Variants in FBP2 observed in about 807,000 individuals in gnomAD.
FBP2 encodes fructose-bisphosphatase 2.
FBP2 carries 27 observed loss-of-function variants against 31.6 expected under a neutral mutation model. That is an observed-to-expected ratio of 0.85 (90% confidence interval 0.63 to 1.18). FBP2 has a LOEUF of 1.18. Ranked by LOEUF, FBP2 falls within the 50% of genes most tolerant of loss-of-function variation. The probability of loss-of-function intolerance (pLI) is 0.00; values close to 1 mark genes in which losing one functional copy is unlikely to be tolerated. For missense variants in FBP2, 421 were observed against 436.1 expected (o/e 0.97, Z 0.31); for synonymous variants, 168 against 179.8 (o/e 0.93, Z 0.53).
In FBP2 at chr9:94,567,179, C is replaced by A. The variant is rs1827201882; in HGVS notation, c.705+91G>T. The A allele has an allele frequency of 4.5e-6, 6 of 1,347,340 alleles. No homozygotes were observed. In the South Asian group the frequency reaches 7.4e-5, roughly 17 times the overall value. The allele number at this position is 1,347,340 out of a possible 1,614,324, so 83.5% of individuals were successfully genotyped here. ...CACAGCCATAAACAGTGGCACCAAC[C>A]TCTTTCAGCAAAGCCCCTGAAGCCA... On this transcript the variant is annotated intron_variant, in intron 5 of 6. Coordinates refer to ENST00000375337, the MANE Select transcript of FBP2 (RefSeq NM_003837.4).
chr9:94,562,127 T>A (rs376241248), intron 6 of FBP2, among the ~76,000 whole-genome samples: 1 of 151,730 alleles, frequency 6.6e-6, no homozygotes, highest in Non-Finnish European at 1.5e-5. Flanking sequence ...CTGGCTAACA[T>A]GGTGAAACCC....
intron 3 of FBP2, among the ~76,000 whole-genome samples, chr9:94,571,967 C>T (rs767141811): frequency 6.6e-6 from 1 of 152,180 alleles, no homozygotes; most frequent in Non-Finnish European, 1.5e-5. Flanking sequence ...TCACTCTGCA[C>T]ACTCAACAGC....
chr9:94,591,338 G>A (rs1049767126), intron 1 of FBP2, among the ~76,000 whole-genome samples: 1 of 152,238 alleles, frequency 6.6e-6, no homozygotes, highest in African/African-American at 2.4e-5. Flanking sequence ...GCGCCAGTGG[G>A]CCAGCACTGC....
rs1198175385 is a variant in FBP2 at position 94,558,873 on chromosome 9, C to CTAA, written c.*64_*65insTTA. On this transcript the variant is annotated 3_prime_UTR_variant, in exon 7 of 7. Transcript: ENST00000375337. ...ACTCATAGCTACCATCTCTGTTTAT[C>CTAA]GTTCATTTAGGGTCCTTAGACAAGG... 6.9e-7 allele frequency: 1 copy of CTAA among 1,449,292 alleles called. No homozygotes were observed. The highest frequency in any genetic ancestry group is 9.7e-7 in the Non-Finnish European group (1 of 1,033,792). The allele number at this position is 1,449,292 out of a possible 1,614,324, so 89.8% of individuals were successfully genotyped here.
chr9:94,581,851 A>G (rs1382159172), intron 3 of FBP2, among the ~76,000 whole-genome samples: 2 of 152,214 alleles, frequency 1.3e-5, no homozygotes, highest in Admixed American at 6.5e-5. Flanking sequence ...GGCACAACTG[A>G]AAACCCTAAG....
intron 1 of FBP2, 88 bp from the exon 2 acceptor site, chr9:94,587,557 G>A: frequency 8.9e-7 from 1 of 1,127,636 alleles, no homozygotes; most frequent in Non-Finnish European, 1.3e-6. Context: ...CAGCAGTGCA[G>A]TCCCCTCTCG....
At chr9:94,571,951 A>C (rs1189726305) in intron 3 of FBP2, among the ~76,000 whole-genome samples, 1 of 152,188 alleles carries the variant, frequency 6.6e-6, no homozygotes, top group Non-Finnish European at 1.5e-5. Context: ...CTGAGCGTGC[A>C]GTGTCTCACT....
chr9:94,585,150 G>C (rs578123170), intron 2 of FBP2, among the ~76,000 whole-genome samples: 1 of 152,156 alleles, frequency 6.6e-6, no homozygotes, highest in African/African-American at 2.4e-5. Context: ...AATGAGTATT[G>C]GCCTAGCTTC....
chr9:94,576,062 G>A (rs479197), intron 3 of FBP2, among the ~76,000 whole-genome samples: 40,622 of 151,908 alleles, frequency 0.27, 6,843 homozygotes, highest in East Asian at 0.53. Context: ...ATCTTGAGAC[G>A]GACAGACCAA....
At chr9:94,590,471 C>T (rs1290142387) in intron 1 of FBP2, among the ~76,000 whole-genome samples, 3 of 147,018 alleles carry the variant, frequency 2.0e-5, no homozygotes, top group South Asian at 4.4e-4. Context: ...GTGGTGTGTC[C>T]GGAATTGGTA....
Position 94,558,770 on chromosome 9 carries a change from G to T in FBP2, c.*168C>A. ...AGTCCTTCACATTGACCATAGAATC[G>T]CCTGTGGCTTCCAAACCTGTCGTAA... On this transcript the variant is annotated 3_prime_UTR_variant, in exon 7 of 7. Coordinates refer to ENST00000375337, the MANE Select transcript of FBP2 (RefSeq NM_003837.4). 1 of 627,390 alleles carries T rather than the reference G, an allele frequency of 1.6e-6. No homozygotes were observed. The highest frequency in any genetic ancestry group is 2.8e-6 in the Non-Finnish European group (1 of 359,328). The allele number at this position is 627,390 out of a possible 1,614,324, so 38.9% of individuals were successfully genotyped here. A position where few individuals can be genotyped will look rare whatever the true frequency, so the allele number is the denominator to read the frequency against.
chr9:94,563,523 C>A, intron 5 of FBP2, 62 bp from the exon 6 acceptor site: 1 of 1,575,268 alleles, frequency 6.3e-7, no homozygotes, highest in South Asian at 1.2e-5. Context: ...AGCACCTGCT[C>A]GTGGTCACAA....
At chr9:94,578,989 C>A (rs1827345230) in intron 3 of FBP2, among the ~76,000 whole-genome samples, 1 of 126,558 alleles carries the variant, frequency 7.9e-6, no homozygotes, top group South Asian at 2.5e-4. Flanking sequence ...GAAGGCGGAG[C>A]TTGCAGTGAG....
At chr9:94,584,405 A>G (rs555512857) in intron 3 of FBP2, among the ~76,000 whole-genome samples, 172 bp downstream of exon 3, 38 of 152,208 alleles carry the variant, frequency 2.5e-4, no homozygotes, top group Admixed American at 6.5e-4. Context: ...TCGCCAATCC[A>G]GTTCTTCTAA....
At chr9:94,564,776 T>G (rs961415854) in intron 5 of FBP2, among the ~76,000 whole-genome samples, 1 of 152,146 alleles carries the variant, frequency 6.6e-6, no homozygotes, top group Non-Finnish European at 1.5e-5. Context: ...AGTTTACTTA[T>G]ATAACAAACC....
Position 94,558,994 on chromosome 9 carries a change from G to T in FBP2, c.964C>A (p.Pro322Thr), listed in dbSNP as rs373101416. The T allele has an allele frequency of 1.1e-5, 17 of 1,613,990 alleles. No individual in the cohort carries two copies. The highest frequency in any genetic ancestry group is 1.4e-5 in the Non-Finnish European group (17 of 1,180,034). Residue 322 changes from proline (P) to threonine (T), a missense_variant, in exon 7 of 7, where the codon CCA becomes ACA. By Grantham distance (38) the Pro-to-Thr change is conservative. Transcript: ENST00000375337. ...GTGAGATATTCCTGCACATCCTCTG[G>T]TGACCCCAGAATGAGGGGGACTCGC... is the stretch of plus-strand genomic sequence containing the variant. ...HQRVPLILGS[P>T]EDVQEYLTCV... is the part of the protein sequence containing the mutation.
At chr9:94,566,519 CAA>C (rs1480463715) in intron 5 of FBP2, among the ~76,000 whole-genome samples, 1 of 152,210 alleles carries the variant, frequency 6.6e-6, no homozygotes, top group African/African-American at 2.4e-5. Context: ...TCTATAGAAA[CAA>C]TGCTAATGAC....
chr9:94,585,364 G>T (rs1341436756), intron 2 of FBP2, among the ~76,000 whole-genome samples: 2 of 152,142 alleles, frequency 1.3e-5, no homozygotes, highest in African/African-American at 4.8e-5. Flanking sequence ...AGTGTTCAAG[G>T]CCCTGGGGTT....
intron 1 of FBP2, among the ~76,000 whole-genome samples, chr9:94,588,789 C>A (rs1564187720): frequency 6.6e-6 from 1 of 152,210 alleles, no homozygotes. Flanking sequence ...AAGTGGGTGT[C>A]AGGCACCACC....
Sources: gnomAD v4.1 joint callset for allele counts (sites outside exome capture counted in the v4.1 genomes callset) on GRCh38, gnomAD v4.1.1 for gene constraint, MANE v1.5 for transcripts, NCBI Gene and HGNC (gene_info 2026-07-23, HGNC 2026-07-21) for gene names.